Variants in CEP192 observed in about 807,000 individuals in gnomAD.
The protein encoded by CEP192 is centrosomal protein 192.
Under a neutral mutation model 271.8 loss-of-function variants are expected in CEP192, and 151 were observed. The observed-to-expected ratio is 0.56, with a 90% confidence interval of 0.49 to 0.64. The LOEUF is 0.64. Among genes scored for constraint, CEP192 ranks in the 30% least tolerant of loss-of-function variants. CEP192 has a pLI of 0.00. For missense variants in CEP192, 2,910 were observed against 3,020.5 expected, an observed-to-expected ratio of 0.96 and a Z score of 0.86; for synonymous variants, 995 against 1,076.5, an observed-to-expected ratio of 0.92 and a Z score of 1.48.
intron 44 of CEP192, among the ~76,000 whole-genome samples, chr18:13,121,125 C>G (rs2040638145): frequency 6.6e-6 from 1 of 152,176 alleles, no homozygotes; most frequent in East Asian, 1.9e-4. Flanking sequence ...CAAAGGTTCA[C>G]AATACATAAT....
chr18:13,109,785 T>TA (rs1386618232), intron 40 of CEP192, among the ~76,000 whole-genome samples: 3 of 152,000 alleles, frequency 2.0e-5, no homozygotes, highest in Non-Finnish European at 2.9e-5. Flanking sequence ...ATAATAATAA[T>TA]AGACAAACCT....
Position 13,018,530 on chromosome 18 carries a change from C to T in CEP192, c.840C>T (p.Ser280=). The stretch of plus-strand genomic sequence containing the variant: ...GCAAGTTTCAATCAGAAAATAACAG[C>T]TCTCTGATTTCCCTCGACTCACACT... The part of the protein sequence containing the change: ...LNCKFQSENN[S]SLISLDSHSS... Residue 280 remains serine, a synonymous_variant, in exon 8 of 45, where the codon AGC becomes AGT. Coordinates refer to ENST00000506447, the MANE Select transcript of CEP192 (RefSeq NM_032142.4). 1 of 1,538,480 alleles carries T rather than the reference C, an allele frequency of 6.5e-7. No individual in the cohort carries two copies. The highest frequency in any genetic ancestry group is 1.2e-5 in the South Asian group (1 of 82,616).
intron 9 of CEP192, among the ~76,000 whole-genome samples, chr18:13,022,821 T>C (rs2035069245): frequency 6.6e-6 from 1 of 152,214 alleles, no homozygotes; most frequent in Non-Finnish European, 1.5e-5. Context: ...CCATGAACAT[T>C]GAATATCTCT....
chr18:13,075,431 T>A (rs2038219825), intron 30 of CEP192, among the ~76,000 whole-genome samples: 1 of 152,136 alleles, frequency 6.6e-6, no homozygotes, highest in Non-Finnish European at 1.5e-5. Context: ...CTGGGCATGG[T>A]GGCACACACC....
At chr18:13,101,669 C>T (rs1005612769) in intron 38 of CEP192, among the ~76,000 whole-genome samples, 1 of 152,124 alleles carries the variant, frequency 6.6e-6, no homozygotes, top group Non-Finnish European at 1.5e-5. Context: ...GCCTCAGCCT[C>T]CTGCTTCCAT....
chr18:12,996,502 G>A (rs142180421), intron 1 of CEP192, among the ~76,000 whole-genome samples: 18 of 152,200 alleles, frequency 1.2e-4, no homozygotes, highest in African/African-American at 4.1e-4. Flanking sequence ...CCTGAGGTTC[G>A]GGGAAAGGCC....
chr18:13,115,404 C>T (rs2040382980), intron 42 of CEP192, among the ~76,000 whole-genome samples: 1 of 152,052 alleles, frequency 6.6e-6, no homozygotes, highest in African/African-American at 2.4e-5. Flanking sequence ...GGAGAAGTTC[C>T]CAGGAGAAGT....
intron 17 of CEP192, among the ~76,000 whole-genome samples, chr18:13,051,822 C>T (rs749163738): frequency 1.3e-5 from 2 of 152,320 alleles, no homozygotes; most frequent in South Asian, 2.1e-4. Context: ...GGATTACAGG[C>T]GTGAGCCAAC....
intron 11 of CEP192, among the ~76,000 whole-genome samples, chr18:13,030,854 G>A (rs2035580239): frequency 6.6e-6 from 1 of 152,142 alleles, no homozygotes; most frequent in Non-Finnish European, 1.5e-5. Flanking sequence ...CTACCGTGTA[G>A]ACCCCATAGT....
At chr18:13,119,741 AAAAT>A (rs201493152) in intron 44 of CEP192, among the ~76,000 whole-genome samples, 1,598 of 152,358 alleles carry the variant, frequency 0.01, 26 homozygotes, top group African/African-American at 0.034. Flanking sequence ...TTCTGTCTCA[AAAAT>A]AAATAAGTAA....
At chr18:13,060,504 T>C (rs994625821) in intron 21 of CEP192, among the ~76,000 whole-genome samples, 2 of 152,226 alleles carry the variant, frequency 1.3e-5, no homozygotes, top group Admixed American at 6.5e-5. Context: ...ACTATGATGT[T>C]ATGATGGCTA....
intron 1 of CEP192, among the ~76,000 whole-genome samples, chr18:12,994,647 C>A (rs1274191678): frequency 6.6e-6 from 1 of 152,090 alleles, no homozygotes; most frequent in African/African-American, 2.4e-5. Context: ...GGAACATAGA[C>A]ATGTTTTGCC....
At chr18:13,044,804 C>T (rs908113978) in intron 15 of CEP192, among the ~76,000 whole-genome samples, 3 of 152,028 alleles carry the variant, frequency 2.0e-5, no homozygotes, top group Non-Finnish European at 4.4e-5. Flanking sequence ...TTACTGGTCT[C>T]ATTTTTTCTG....
intron 29 of CEP192, 50 bp downstream of exon 29, chr18:13,072,895 C>A: frequency 3.3e-6 from 5 of 1,532,832 alleles, no homozygotes; most frequent in Non-Finnish European, 4.5e-6. Context: ...GGGTCTGGAA[C>A]ACTTGCATAT....
At chr18:13,047,453 G>A (rs2036546109) in intron 15 of CEP192, among the ~76,000 whole-genome samples, 1 of 152,092 alleles carries the variant, frequency 6.6e-6, no homozygotes, top group Non-Finnish European at 1.5e-5. Context: ...GAACAACTTT[G>A]CTTAGCCTTT....
chr18:13,070,668 T>C (rs1356781718), intron 27 of CEP192, among the ~76,000 whole-genome samples: 1 of 152,256 alleles, frequency 6.6e-6, no homozygotes. Context: ...CACTTTATCG[T>C]GTGCTCAGTC....
Position 13,069,175 on chromosome 18 carries a change from T to C in CEP192, c.5049T>C (p.Asp1683=), listed in dbSNP as rs374874511. 11 of 1,613,124 alleles carry C rather than the reference T, an allele frequency of 6.8e-6. No homozygotes were observed. The highest frequency in any genetic ancestry group is 8.5e-6 in the Non-Finnish European group (10 of 1,179,146). ...KNAGNIEVYL[D]IKVPEQGSHF... ...CTGGGAACATTGAAGTTTATTTGGA[T>C]ATCAAGGTATGCACTTCCATGAGAG... The change falls in exon 26 of 45, where the codon GAT becomes GAC. Residue 1683 remains aspartate (D), a synonymous_variant. Coordinates refer to ENST00000506447, the MANE Select transcript of CEP192 (RefSeq NM_032142.4).
chr18:13,064,317 A>G (rs2037570351), intron 21 of CEP192, among the ~76,000 whole-genome samples: 1 of 151,206 alleles, frequency 6.6e-6, no homozygotes, highest in Non-Finnish European at 1.5e-5. Flanking sequence ...TTTGTCAAAA[A>G]TGAGTTCACT....
Position 13,055,969 on chromosome 18 carries a change from C to A in CEP192, c.3379C>A (p.Pro1127Thr), listed in dbSNP as rs1223127242. ...TGAAACTACTTCTCTGAGTAGCAAGCCTGAATATGTAAAACCTGACTTTAG... is the reference window on the plus strand; with the variant it reads ...TGAAACTACTTCTCTGAGTAGCAAGACTGAATATGTAAAACCTGACTTTAG... ...ATETTSLSSK[P>T]EYVKPDFRWS... Residue 1127 changes from proline (P) to threonine (T), a missense_variant, in exon 19 of 45, where the codon CCT (proline) becomes ACT (threonine). Transcript: ENST00000506447. The A allele has an allele frequency of 1.2e-6, 2 of 1,614,008 alleles. No homozygotes were observed. The highest frequency in any genetic ancestry group is 1.3e-5 in the African/African-American group (1 of 74,916).
Sources: allele counts gnomAD v4.1 joint callset (sites outside exome capture counted in the v4.1 genomes callset), GRCh38; gene constraint gnomAD v4.1.1; transcripts MANE v1.5; gene names NCBI Gene and HGNC (gene_info 2026-07-23, HGNC 2026-07-21).